Variants in UBR4 observed in about 807,000 individuals in gnomAD.
UBR4 encodes ubiquitin protein ligase E3 component n-recognin 4.
UBR4 carries 124 observed loss-of-function variants against 575.6 expected under a neutral mutation model. The ratio of observed to expected loss-of-function variants is 0.22; its 90% CI spans 0.19 to 0.25. The LOEUF (loss-of-function observed/expected upper bound fraction) is 0.25. Among genes scored for constraint, UBR4 ranks in the 10% least tolerant of loss-of-function variants. The pLI, the probability that UBR4 is intolerant of heterozygous loss-of-function variation, is 1.00. For synonymous variants in UBR4, 2,455 were observed against 2,473.7 expected (o/e 0.99, Z 0.22); for missense variants, 4,818 against 6,478.8 (o/e 0.74, Z 8.80).
chr1:19,173,708 T>G (rs2089893691), intron 22 of UBR4, 87 bp from the exon 23 acceptor site: 1 of 1,307,122 alleles, frequency 7.7e-7, no homozygotes, highest in Admixed American at 2.0e-5. Flanking sequence ...AATACAACTT[T>G]TAAACCAGAA....
chr1:19,089,453 A>G lies in UBR4; in HGVS notation c.14212-476T>C, dbSNP rs1456210408. Among the ~76,000 whole-genome samples, 2 of 152,220 alleles carry G rather than the reference A, an allele frequency of 1.3e-5. No homozygotes were observed. Among genetic ancestry groups the G allele is most frequent in the Non-Finnish European group, 2.9e-5 (2 of 68,036 alleles). ...CTGGGTCCACCAAACCTAGGAGCAC[A>G]GTTTTCTCAGGCTAGGGATACTAGA... On this transcript the variant is annotated intron_variant, in intron 97 of 105. Coordinates refer to ENST00000375254, the MANE Select transcript of UBR4 (RefSeq NM_020765.3). This position sits in a 1 kb window ranked among gnomAD's most constrained non-coding sequence, Gnocchi z 4.3.
chr1:19,084,777 C>T, intron 101 of UBR4, 79 bp from the exon 102 acceptor site: 2 of 1,371,620 alleles, frequency 1.5e-6, no homozygotes, highest in Non-Finnish European at 2.0e-6. Flanking sequence ...AGCCTCCTTC[C>T]AGTACTCCCA....
chr1:19,081,563 T>C lies in UBR4; in HGVS notation c.15019A>G (p.Thr5007Ala), dbSNP rs2076504560. ...VLYVLNTTRA[T>A]SREEKNLQGF... ...TGGAGGTTCTTCTCTTCTCGGGAAG[T>C]TGCTCGGGTTCTAGAAGAAAAGCGG... is the stretch of plus-strand genomic sequence containing the variant. Residue 5007 changes from threonine (T) to alanine (A), a missense_variant, in exon 103 of 106, where the codon ACT becomes GCT. This residue lies in a region of UBR4 where 196 missense variants were observed against 386.8 expected (regional missense o/e 0.51). Coordinates refer to ENST00000375254, the MANE Select transcript of UBR4 (RefSeq NM_020765.3). 6.2e-7 allele frequency: 1 copy of C among 1,613,806 alleles called. No homozygotes were observed. The highest frequency in any genetic ancestry group is 8.5e-7 in the Non-Finnish European group (1 of 1,180,002).
At chr1:19,083,406 T>G (rs2076711139) in intron 102 of UBR4, among the ~76,000 whole-genome samples, 1 of 152,246 alleles carries the variant, frequency 6.6e-6, no homozygotes. Context: ...TTGCCTAAAC[T>G]GTGCTGCAGC....
chr1:19,093,009 G>C lies in UBR4; in HGVS notation c.14112-91C>G, dbSNP rs2077675588. ...GACTCTGGCTTGTTTAAACCCCCAG[G>C]GCATGATTAACCGTGACCCTCTCCG... On this transcript the variant is annotated intron_variant, in intron 96 of 105. Coordinates refer to ENST00000375254, the MANE Select transcript of UBR4 (RefSeq NM_020765.3). This position sits in a 1 kb window ranked among gnomAD's most constrained non-coding sequence, Gnocchi z 4.8. 1.7e-6 allele frequency: 2 copies of C among 1,190,142 alleles called. No individual in the cohort carries two copies. The highest frequency in any genetic ancestry group is 2.4e-6 in the Non-Finnish European group (2 of 825,950). 73.7% of individuals were successfully genotyped at this position (1,190,142 alleles called of 1,614,324 possible).
Position 19,173,015 on chromosome 1 carries a change from G to A in UBR4, c.3370C>T (p.Leu1124Phe), listed in dbSNP as rs746754168. ...TGGACCTTTGAGATCGCGGCATCAAGGGTGTAGATGGACTGCAGACTGGGA... is the reference window on the plus strand; with the variant it reads ...TGGACCTTTGAGATCGCGGCATCAAAGGTGTAGATGGACTGCAGACTGGGA... ...EIPSLQSIYT[L>F]DAAISKVQVS... The change falls in exon 25 of 106, where the codon CTT becomes TTT. Residue 1124 changes from leucine (L) to phenylalanine (F), a missense_variant. Physicochemically the swap from Leu to Phe is conservative, Grantham distance 22. Transcript: ENST00000375254. 1 of 1,614,230 alleles carries A rather than the reference G, an allele frequency of 6.2e-7. No individual in the cohort carries two copies.
chr1:19,164,247 T>C lies in UBR4; in HGVS notation c.4700+6A>G, dbSNP rs749986618. 2 of 1,609,532 alleles carry C rather than the reference T, an allele frequency of 1.2e-6. No individual in the cohort carries two copies. The highest frequency in any genetic ancestry group is 1.7e-6 in the Non-Finnish European group (2 of 1,176,572). On this transcript the variant is annotated splice_donor_region_variant and intron_variant, in intron 33 of 105. Coordinates refer to ENST00000375254, the MANE Select transcript of UBR4 (RefSeq NM_020765.3). ...GTAACCTACAGATACAACTTCATCA[T>C]CTTACCATCTGCTCAGCCAATCCAC... is the stretch of plus-strand genomic sequence containing the variant.
chr1:19,161,513 G>C, intron 37 of UBR4, 76 bp downstream of exon 37: 1 of 1,523,186 alleles, frequency 6.6e-7, no homozygotes, highest in Non-Finnish European at 8.8e-7. Context: ...GAGGTGATGG[G>C]AATTTTCCAG....
rs576056733 is a variant in UBR4, at chr1:19,120,114, T to G, written c.10310+66A>C. 209 of 1,562,936 alleles carry G rather than the reference T, an allele frequency of 1.3e-4. 1 individual carries two copies. The South Asian group carries it at 2.3e-3, about 17-fold the overall frequency. On this transcript the variant is annotated intron_variant, in intron 69 of 105. Coordinates refer to ENST00000375254, the MANE Select transcript of UBR4 (RefSeq NM_020765.3). ...TGACCATATGTAACCGAAAACAAAATAGAACTGCATTACGCACCCTGGCCT... is the reference window on the plus strand; with the variant it reads ...TGACCATATGTAACCGAAAACAAAAGAGAACTGCATTACGCACCCTGGCCT...
intron 64 of UBR4, 54 bp from the exon 65 acceptor site, chr1:19,124,744 C>T: frequency 6.3e-7 from 1 of 1,584,864 alleles, no homozygotes. Context: ...TCCATGACCA[C>T]AATTAGGAAA....
At chr1:19,129,112 A>G (rs1248369399) in intron 60 of UBR4, 38 bp from the exon 61 acceptor site, 2 of 1,558,130 alleles carry the variant, frequency 1.3e-6, no homozygotes, top group East Asian at 4.5e-5. Context: ...TATGAGCTGT[A>G]CTCCAACAGG....
In UBR4 at chr1:19,093,354, A is replaced by T. The variant is rs1170015914; in HGVS notation, c.14070T>A (p.Asn4690Lys). 7 of 1,614,162 alleles carry T rather than the reference A, an allele frequency of 4.3e-6. No individual in the cohort carries two copies. The highest frequency in any genetic ancestry group is 5.9e-6 in the Non-Finnish European group (7 of 1,180,036). The change falls in exon 96 of 106, where the codon AAT (asparagine) becomes AAA (lysine). Residue 4690 changes from asparagine to lysine, a missense_variant. Coordinates refer to ENST00000375254, the MANE Select transcript of UBR4 (RefSeq NM_020765.3). The surrounding 1 kb of genome is among the most constrained non-coding windows in gnomAD (Gnocchi z 4.8). ...TGTGCTTTTTCATGTAGTCAAGTGCATTCTGGGTGATCCCCTTCTGGAGAA... is the reference window on the plus strand; with the variant it reads ...TGTGCTTTTTCATGTAGTCAAGTGCTTTCTGGGTGATCCCCTTCTGGAGAA... ...DLILQKGITQ[N>K]ALDYMKKHIP...
intron 60 of UBR4, among the ~76,000 whole-genome samples, chr1:19,129,494 A>G (rs567711739): frequency 3.3e-5 from 5 of 152,314 alleles, no homozygotes; most frequent in South Asian, 2.1e-4. Flanking sequence ...TACAAATTCT[A>G]TATCACCCAG....
chr1:19,117,560 C>T lies in UBR4; in HGVS notation c.10630-146G>A. On this transcript the variant is annotated intron_variant, in intron 72 of 105. Transcript: ENST00000375254. The surrounding 1 kb of genome is among the most constrained non-coding windows in gnomAD (Gnocchi z 4.0). Reference sequence around the variant, plus strand: ...AATATTTTGTAGAGATGGGGTCTCACCATCTTGCCCAGGCTGGTCTAAAAC... The same window carrying T: ...AATATTTTGTAGAGATGGGGTCTCATCATCTTGCCCAGGCTGGTCTAAAAC... The T allele has an allele frequency of 2.0e-6, 2 of 1,018,262 alleles. No homozygotes were observed. Among genetic ancestry groups the T allele is most frequent in the East Asian group, 2.6e-5 (1 of 38,362 alleles). 63.1% of individuals were successfully genotyped at this position (1,018,262 alleles called of 1,614,324 possible). A position where few individuals can be genotyped will look rare whatever the true frequency, so the allele number is the denominator to read the frequency against.
chr1:19,142,995 G>A lies in UBR4; in HGVS notation c.8179+985C>T, dbSNP rs183107930. On this transcript the variant is annotated intron_variant, in intron 55 of 105. Transcript: ENST00000375254. ...AAATTAGCTGGGCACGGTGGCACGC[G>A]CCTATAATCCCAGCTACTAGGGAGG... Among the ~76,000 whole-genome samples the A allele has an allele frequency of 5.7e-3, 867 of 151,734 alleles. 4 individuals are homozygous for A. Among genetic ancestry groups the A allele is most frequent in the Non-Finnish European group, 8.9e-3 (607 of 67,938 alleles).
intron 90 of UBR4, among the ~76,000 whole-genome samples, chr1:19,098,253 G>C (rs549288386): frequency 3.6e-4 from 55 of 152,328 alleles, no homozygotes; most frequent in African/African-American, 1.3e-3. Context: ...TGAACACAGA[G>C]CAGGTTCTAG....
intron 69 of UBR4, 56 bp from the exon 70 acceptor site, chr1:19,119,757 T>C: frequency 6.4e-7 from 1 of 1,570,202 alleles, no homozygotes; most frequent in Non-Finnish European, 8.7e-7. Context: ...GAGGCACCTG[T>C]GTTTATCATT....
chr1:19,148,511 T>C (rs370013805), intron 50 of UBR4, 52 bp downstream of exon 50: 1 of 1,610,644 alleles, frequency 6.2e-7, no homozygotes, highest in East Asian at 2.2e-5. Context: ...GCAACTCCAC[T>C]GACTTCCTGC....
intron 91 of UBR4, 118 bp downstream of exon 91, chr1:19,097,075 C>T (rs2078136986): frequency 1.3e-6 from 1 of 767,296 alleles, no homozygotes; most frequent in Admixed American, 3.6e-5. Flanking sequence ...AAACAATCTC[C>T]CCACAATTCT....
Sources: gnomAD v4.1 joint callset for allele counts (sites outside exome capture counted in the v4.1 genomes callset) on GRCh38, gnomAD v4.1.1 for gene constraint, gnomAD v4.1.1 regional missense constraint, Gnocchi (gnomAD v3.1) non-coding constraint, MANE v1.5 for transcripts, NCBI Gene and HGNC (gene_info 2026-07-23, HGNC 2026-07-21) for gene names.